GSK3B: variants seen among roughly 807,000 people sequenced by gnomAD.
GSK3B encodes glycogen synthase kinase-3 beta.
A neutral mutation model predicts 56.4 loss-of-function variants in GSK3B; 15 were observed. The ratio of observed to expected loss-of-function variants is 0.27; its 90% CI spans 0.18 to 0.41. GSK3B has a LOEUF of 0.41. GSK3B is among the 10% of genes least tolerant of loss of function. The pLI is 1.00. For missense variants in GSK3B, 300 were observed against 513.4 expected (o/e 0.58, Z 4.02); for synonymous variants, 181 against 188.9 (o/e 0.96, Z 0.34).
chr3:119,882,117 G>A (rs2056385444), intron 7 of GSK3B, among the ~76,000 whole-genome samples: 1 of 151,276 alleles, frequency 6.6e-6, no homozygotes, highest in African/African-American at 2.4e-5. Context: ...TAATGTAAAA[G>A]TCAGGATGTT....
chr3:120,035,627 CT>C lies in GSK3B; in HGVS notation c.89-33389del, dbSNP rs917631740. Among the ~76,000 whole-genome samples the C allele has an allele frequency of 3.3e-5, 5 of 151,952 alleles. 1 individual carries two copies. The South Asian group carries it at 8.3e-4, about 25-fold the overall frequency. On this transcript the variant is annotated intron_variant, in intron 1 of 10. Coordinates refer to ENST00000264235, the MANE Select transcript of GSK3B (RefSeq NM_001146156.2). Reference sequence around the variant, plus strand: ...AATTCATGAACATAGGATGTCCATCCTTTTTTTTAGGTATTCATTAATTTCT... The same window carrying C: ...AATTCATGAACATAGGATGTCCATCCTTTTTTTAGGTATTCATTAATTTCT...
intron 10 of GSK3B, among the ~76,000 whole-genome samples, chr3:119,840,699 T>C (rs113454600): frequency 6.6e-6 from 1 of 152,180 alleles, no homozygotes; most frequent in South Asian, 2.1e-4. Context: ...CCTTCACTAC[T>C]GCAGCGCCAT....
intron 1 of GSK3B, among the ~76,000 whole-genome samples, chr3:120,002,886 T>C (rs2057692684): frequency 6.6e-6 from 1 of 152,178 alleles, no homozygotes; most frequent in Admixed American, 6.5e-5. Flanking sequence ...TCTGACCTTA[T>C]CCATCCAATT....
intron 4 of GSK3B, among the ~76,000 whole-genome samples, chr3:119,918,394 C>G (rs138914285): frequency 1.2e-4 from 18 of 150,884 alleles, no homozygotes; most frequent in Non-Finnish European, 2.1e-4. Flanking sequence ...TGCTTGGACC[C>G]GGGAGATAGA....
chr3:120,054,828 A>C (rs771973714), intron 1 of GSK3B, among the ~76,000 whole-genome samples: 2 of 152,334 alleles, frequency 1.3e-5, no homozygotes, highest in African/African-American at 2.4e-5. Flanking sequence ...ACAATAACAC[A>C]GTGTCTTTGA....
intron 1 of GSK3B, among the ~76,000 whole-genome samples, chr3:120,079,205 G>A (rs546135906): frequency 6.7e-6 from 1 of 150,156 alleles, no homozygotes; most frequent in Admixed American, 6.7e-5. Flanking sequence ...GTCTCCCTCT[G>A]GGAGGGATTA....
chr3:119,899,731 C>T (rs2056606916), intron 7 of GSK3B, among the ~76,000 whole-genome samples: 7 of 151,978 alleles, frequency 4.6e-5, no homozygotes, highest in Admixed American at 4.6e-4. Flanking sequence ...TTCATAAGTC[C>T]TGCAACTGTA....
At chr3:119,882,779 ACACTTTT>A (rs2056394016) in intron 7 of GSK3B, among the ~76,000 whole-genome samples, 1 of 152,168 alleles carries the variant, frequency 6.6e-6, no homozygotes, top group Non-Finnish European at 1.5e-5. Flanking sequence ...AAAGATTAAT[ACACTTTT>A]ACCATCAGTT....
intron 8 of GSK3B, among the ~76,000 whole-genome samples, chr3:119,865,435 GATATATATATATATAT>G (rs1159737610): frequency 3.5e-5 from 1 of 28,638 alleles, no homozygotes; most frequent in African/African-American, 1.0e-4. Context: ...GCTTATTTCC[GATATATATATATATAT>G]ATATATATAT....
chr3:119,985,428 T>C (rs1290616299), intron 2 of GSK3B, among the ~76,000 whole-genome samples: 10 of 152,108 alleles, frequency 6.6e-5, no homozygotes, highest in Non-Finnish European at 7.4e-5. Context: ...GATTGTATAT[T>C]TGGAAAACTC....
At chr3:120,038,359 G>A (rs576832858) in intron 1 of GSK3B, among the ~76,000 whole-genome samples, 15 of 152,256 alleles carry the variant, frequency 9.9e-5, no homozygotes, top group East Asian at 3.9e-4. Context: ...GAACCCAAGC[G>A]TTCAAGACCA....
chr3:119,894,460 A>G (rs1484605500), intron 7 of GSK3B, among the ~76,000 whole-genome samples: 1 of 152,124 alleles, frequency 6.6e-6, no homozygotes, highest in Non-Finnish European at 1.5e-5. Context: ...GGAGAGTGTG[A>G]TAATAGTATT....
chr3:119,901,193 T>C (rs953444105), intron 7 of GSK3B, among the ~76,000 whole-genome samples: 1 of 152,104 alleles, frequency 6.6e-6, no homozygotes. Flanking sequence ...TGGAACTATA[T>C]CATATATTTC....
chr3:119,848,586 ACT>A (rs2055887430), intron 9 of GSK3B, among the ~76,000 whole-genome samples: 1 of 152,114 alleles, frequency 6.6e-6, no homozygotes, highest in Non-Finnish European at 1.5e-5. Context: ...GCAAGCAGTC[ACT>A]CTACATTAAT....
chr3:119,920,823 G>A (rs1195598517), intron 4 of GSK3B, among the ~76,000 whole-genome samples: 1 of 152,136 alleles, frequency 6.6e-6, no homozygotes, highest in Non-Finnish European at 1.5e-5. Context: ...GTATCAGTAT[G>A]AACTCATGGT....
intron 2 of GSK3B, among the ~76,000 whole-genome samples, chr3:119,983,413 AT>A (rs2057483322): frequency 1.3e-5 from 2 of 152,194 alleles, no homozygotes; most frequent in Admixed American, 1.3e-4. Flanking sequence ...AGATTGGCAA[AT>A]TGGATAAAGA....
chr3:119,867,733 C>T (rs1236438999), intron 8 of GSK3B, among the ~76,000 whole-genome samples: 1 of 152,138 alleles, frequency 6.6e-6, no homozygotes, highest in African/African-American at 2.4e-5. Flanking sequence ...GTGAACTCCC[C>T]TGGCTATTCT....
intron 1 of GSK3B, chr3:120,029,938 A>G (rs758328343): frequency 4.3e-5 from 23 of 540,226 alleles, no homozygotes; most frequent in Middle Eastern, 1.1e-3. Flanking sequence ...CATGGGCCCT[A>G]GAGTGACCAC....
intron 2 of GSK3B, among the ~76,000 whole-genome samples, chr3:119,962,832 C>A (rs779945648): frequency 3.9e-5 from 6 of 152,180 alleles, no homozygotes. Context: ...ACTGTTCTAC[C>A]TCATAAGGAG....
Sources: allele counts gnomAD v4.1 joint callset (sites outside exome capture counted in the v4.1 genomes callset), GRCh38; gene constraint gnomAD v4.1.1; transcripts MANE v1.5; gene names NCBI Gene and HGNC (gene_info 2026-07-23, HGNC 2026-07-21).